The following SPECC1L variants were observed in gnomAD, a reference collection of about 807,000 sequenced individuals.
The protein encoded by SPECC1L is sperm antigen with calponin homology and coiled-coil domains 1 like.
A neutral mutation model predicts 116.8 loss-of-function variants in SPECC1L; 40 were observed. The ratio of observed to expected loss-of-function variants is 0.34; its 90% CI spans 0.27 to 0.45. The LOEUF (loss-of-function observed/expected upper bound fraction) is 0.45, where lower values mean the gene tolerates loss of function less well. Among genes scored for constraint, SPECC1L ranks in the 20% least tolerant of loss-of-function variants. SPECC1L has a pLI of 1.00. For synonymous variants in SPECC1L, 504 were observed against 500.6 expected (o/e 1.01, Z -0.09); for missense variants, 1,110 against 1,373.6 (o/e 0.81, Z 3.03).
At chr22:24,295,513 A>G (rs2049242817) in intron 2 of SPECC1L, among the ~76,000 whole-genome samples, 1 of 151,668 alleles carries the variant, frequency 6.6e-6, no homozygotes, top group Non-Finnish European at 1.5e-5. Flanking sequence ...TCCAATTAGT[A>G]TGATTACAAC....
chr22:24,414,165 G>A (rs2042758009), intron 16 of SPECC1L, among the ~76,000 whole-genome samples: 2 of 152,198 alleles, frequency 1.3e-5, no homozygotes, highest in Non-Finnish European at 2.9e-5. Context: ...AATTCTCCTA[G>A]GCCAGTGCCT....
intron 12 of SPECC1L, 152 bp downstream of exon 12, chr22:24,363,496 G>A: frequency 1.4e-6 from 1 of 737,962 alleles, no homozygotes; most frequent in Non-Finnish European, 2.4e-6. Context: ...CAAAGTGCTG[G>A]GATTACAGGT....
At chr22:24,313,828 T>C (rs2040507124) in intron 4 of SPECC1L, among the ~76,000 whole-genome samples, 1 of 148,786 alleles carries the variant, frequency 6.7e-6, no homozygotes, top group Non-Finnish European at 1.5e-5. Context: ...AACCTTCGCC[T>C]CCCAGGTTCA....
chr22:24,300,342 G>T (rs2049352593), intron 2 of SPECC1L, among the ~76,000 whole-genome samples: 1 of 152,140 alleles, frequency 6.6e-6, no homozygotes, highest in Non-Finnish European at 1.5e-5. Flanking sequence ...GTATTCCATG[G>T]TGTATATGTA....
At position 24,328,934 on chromosome 22, in the gene SPECC1L, C is replaced by G. The variant is rs199782105; in HGVS notation, c.2220+15C>G. ...GAAGACTTCGGGTAGGATAAATCTT[C>G]ATGTATTGTCTTGTTAGAAAACGGT... On this transcript the variant is annotated intron_variant, in intron 7 of 16. Coordinates refer to ENST00000314328, the MANE Select transcript of SPECC1L (RefSeq NM_015330.6). The G allele has an allele frequency of 6.3e-7, 1 of 1,586,938 alleles. No homozygotes were observed. The highest frequency in any genetic ancestry group is 2.2e-5 in the East Asian group (1 of 44,624).
chr22:24,276,705 T>C lies in SPECC1L; in HGVS notation c.-136T>C. The C allele has an allele frequency of 2.2e-6, 1 of 448,416 alleles. No individual in the cohort carries two copies. The allele number at this position is 448,416 out of a possible 1,614,324, so 27.8% of individuals were successfully genotyped here. The stretch of plus-strand genomic sequence containing the variant: ...TCTTCCTCTCTCTCTTCTAGTGTTC[T>C]TGGGGAAGATCCCGACTAAGCCATT... On this transcript the variant is annotated 5_prime_UTR_variant, in exon 2 of 17. Coordinates refer to ENST00000314328, the MANE Select transcript of SPECC1L (RefSeq NM_015330.6).
At chr22:24,341,411 A>G (rs1399604674) in intron 10 of SPECC1L, among the ~76,000 whole-genome samples, 2 of 152,246 alleles carry the variant, frequency 1.3e-5, no homozygotes, top group Non-Finnish European at 2.9e-5. Flanking sequence ...AGTTCCCACC[A>G]GCCGCTGTGG....
At chr22:24,314,312 G>T (rs12158133) in intron 4 of SPECC1L, among the ~76,000 whole-genome samples, 2 of 152,180 alleles carry the variant, frequency 1.3e-5, no homozygotes, top group Non-Finnish European at 2.9e-5. Flanking sequence ...GCCTCCCAAA[G>T]TGCTGGTATT....
intron 11 of SPECC1L, among the ~76,000 whole-genome samples, chr22:24,361,390 G>GAAATAAAT (rs748913973): frequency 6.6e-6 from 1 of 151,516 alleles, no homozygotes; most frequent in Admixed American, 6.6e-5. Flanking sequence ...TCCTGTCTTA[G>GAAATAAAT]AAATAAATAA....
intron 2 of SPECC1L, among the ~76,000 whole-genome samples, chr22:24,297,225 G>T: frequency 6.6e-6 from 1 of 150,460 alleles, no homozygotes; most frequent in Non-Finnish European, 1.5e-5. Context: ...GAGCCACTGC[G>T]CCTGGCCTAG....
chr22:24,322,053 C>G lies in SPECC1L; in HGVS notation c.1073C>G (p.Ser358Trp), dbSNP rs200113830. The change falls in exon 5 of 17, where the codon TCG (serine) becomes TGG (tryptophan). Residue 358 changes from serine to tryptophan, a missense_variant. By Grantham distance (177) the Ser-to-Trp change is radical. This residue lies in a region of SPECC1L where 437 missense variants were observed against 482.6 expected (regional missense o/e 0.91). Coordinates refer to ENST00000314328, the MANE Select transcript of SPECC1L (RefSeq NM_015330.6). ...AGTGAGGTCTACCAGCCCCTCACAT[C>G]GAGCGATGATGCGCTGGATGCACCA... is the stretch of plus-strand genomic sequence containing the variant. ...ECSEVYQPLT[S>W]SDDALDAPSS... The G allele has an allele frequency of 3.7e-6, 6 of 1,614,156 alleles. No homozygotes were observed. In the African/African-American group the frequency reaches 6.7e-5, roughly 18 times the overall value.
rs1358165487 is a variant in SPECC1L at position 24,415,915 on chromosome 22, C to T, written c.*1292C>T. On this transcript the variant is annotated 3_prime_UTR_variant, in exon 17 of 17. Coordinates refer to ENST00000314328, the MANE Select transcript of SPECC1L (RefSeq NM_015330.6). ...TTGGGAATAGGGATCTCCCGTGTGC[C>T]TAACGCAGTAGCTATTGGTTTGAAC... The T allele has an allele frequency of 6.6e-6, 1 of 152,254 alleles. No homozygotes were observed. The highest frequency in any genetic ancestry group is 1.5e-5 in the Non-Finnish European group (1 of 68,052). The allele number at this position is 152,254 out of a possible 1,614,324, so 9.4% of individuals were successfully genotyped here.
intron 2 of SPECC1L, among the ~76,000 whole-genome samples, chr22:24,292,645 G>C (rs544686734): frequency 6.6e-6 from 1 of 152,048 alleles, no homozygotes; most frequent in Non-Finnish European, 1.5e-5. Context: ...TGGGAGACCC[G>C]GAAGGAGATT....
chr22:24,348,413 C>T lies in SPECC1L; in HGVS notation c.2743+1237C>T, dbSNP rs999535881. On this transcript the variant is annotated intron_variant, in intron 11 of 16. Transcript: ENST00000314328. Reference sequence around the variant, plus strand: ...AGTTCAATTTGGTGGTTGAACTGGCCCTATACCTGTCAGTCTTCAGTGTTC... The same window carrying T: ...AGTTCAATTTGGTGGTTGAACTGGCTCTATACCTGTCAGTCTTCAGTGTTC... Among the ~76,000 whole-genome samples the T allele has an allele frequency of 3.3e-5, 5 of 152,026 alleles. No homozygotes were observed. In the South Asian group the frequency reaches 1.0e-3, roughly 32 times the overall value.
At chr22:24,294,921 A>T (rs2049229404) in intron 2 of SPECC1L, among the ~76,000 whole-genome samples, 1 of 152,186 alleles carries the variant, frequency 6.6e-6, no homozygotes, top group African/African-American at 2.4e-5. Context: ...GGCTTCCAAG[A>T]TATTTTTCAT....
chr22:24,314,063 G>C (rs573493660), intron 4 of SPECC1L, among the ~76,000 whole-genome samples: 1 of 148,378 alleles, frequency 6.7e-6, no homozygotes, highest in South Asian at 2.1e-4. Context: ...CTTTTTTTTT[G>C]AGATGGAGTT....
At chr22:24,276,947 C>T (rs2048849092) in intron 2 of SPECC1L, 144 bp downstream of exon 2, 1 of 205,358 alleles carries the variant, frequency 4.9e-6, no homozygotes, top group Admixed American at 5.8e-5. Context: ...GAATTTTCTT[C>T]TTGCTTGCTT....
intron 12 of SPECC1L, 51 bp downstream of exon 12, chr22:24,363,395 G>A (rs1218675259): frequency 1.1e-5 from 16 of 1,477,796 alleles, no homozygotes; most frequent in Admixed American, 3.3e-5. Context: ...TTTAGAGACA[G>A]GATCTCACTA....
chr22:24,394,149 C>T (rs1163726599), intron 14 of SPECC1L, among the ~76,000 whole-genome samples: 4 of 152,166 alleles, frequency 2.6e-5, no homozygotes, highest in Admixed American at 6.5e-5. Context: ...TGAACGTTCA[C>T]GTGCAGGTGT....
Sources: allele counts gnomAD v4.1 joint callset (sites outside exome capture counted in the v4.1 genomes callset), GRCh38; gene constraint gnomAD v4.1.1; regional missense constraint gnomAD v4.1.1; transcripts MANE v1.5; gene names NCBI Gene and HGNC (gene_info 2026-07-23, HGNC 2026-07-21).